The following PHKA1 variants were observed in gnomAD, a reference collection of about 807,000 sequenced individuals.
PHKA1 encodes the protein phosphorylase b kinase regulatory subunit alpha, skeletal muscle isoform.
In PHKA1, 60 loss-of-function variants were observed where a neutral mutation model predicts 110.2. The ratio of observed to expected loss-of-function variants is 0.54; its 90% CI spans 0.44 to 0.68. The LOEUF (loss-of-function observed/expected upper bound fraction) is 0.68. Among genes scored for constraint, PHKA1 ranks in the 30% least tolerant of loss-of-function variants. The pLI is 0.00. For synonymous variants in PHKA1, 316 were observed against 333.6 expected (o/e 0.95, Z 0.58); for missense variants, 801 against 942.5 (o/e 0.85, Z 1.97).
rs369247662 is a variant in PHKA1, at chrX:72,701,674, G to A, written c.285+3524C>T. ...GTGGAGATTGCAGTGAGCTGAGATC[G>A]TGCCACTGCACTCTAGCCTGGGTGA... On this transcript the variant is annotated intron_variant, in intron 3 of 31. Coordinates refer to ENST00000373542, the MANE Select transcript of PHKA1 (RefSeq NM_002637.4). Among the ~76,000 whole-genome samples, 55 of 111,771 alleles carry A rather than the reference G, an allele frequency of 4.9e-4. No homozygotes were observed. In the East Asian group the frequency reaches 9.4e-3, roughly 19 times the overall value.
chrX:72,605,288 T>C lies in PHKA1; in HGVS notation c.2798A>G (p.His933Arg), dbSNP rs782807740. ...IIQVMATELA[H>R]SLRCSAEEAT... ...TTAAGTACCTGAGCATCGAAGGGAG[T>C]GGGCCAGTTCTGTTGCCATAACTTG... is the stretch of plus-strand genomic sequence containing the variant. Residue 933 changes from histidine (H) to arginine (R), a missense_variant, in exon 25 of 32, where the codon CAC (histidine) becomes CGC (arginine). Transcript: ENST00000373542. 1.7e-6 allele frequency: 2 copies of C among 1,203,448 alleles called. No individual in the cohort carries two copies. Among genetic ancestry groups the C allele is most frequent in the Non-Finnish European group, 2.3e-6 (2 of 888,549 alleles).
chrX:72,644,495 G>C lies in PHKA1; in HGVS notation c.1326C>G (p.Val442=), dbSNP rs368205250. 5 of 1,204,305 alleles carry C rather than the reference G, an allele frequency of 4.2e-6. No individual in the cohort carries two copies. In the African/African-American group the frequency reaches 7.0e-5, roughly 17 times the overall value. Residue 442 remains valine (V), a splice_region_variant and synonymous_variant, in exon 14 of 32, where the codon GTC becomes GTG. Transcript: ENST00000373542. ...TVPKPDVVVQ[V]SILAETEEIK... is the part of the protein sequence containing the mutation. ...TTTCTTCTGTTTCAGCTAGAATGGA[G>C]ACTAGAGGAGACAAAGAAGATGAGG...
chrX:72,696,005 T>C (rs2054104790), intron 3 of PHKA1, 129 bp from the exon 4 acceptor site: 1 of 577,873 alleles, frequency 1.7e-6, no homozygotes, highest in African/African-American at 2.2e-5. Context: ...TGTGAATATT[T>C]AAAATACTCG....
At chrX:72,676,219 G>A in intron 5 of PHKA1, 69 bp from the exon 6 acceptor site, 3 of 776,361 alleles carry the variant, frequency 3.9e-6, no homozygotes, top group Non-Finnish European at 3.9e-6. Context: ...TGCAGGAAGT[G>A]TTTACCCTTG....
chrX:72,652,099 A>G (rs1433554708), intron 12 of PHKA1, among the ~76,000 whole-genome samples: 1 of 112,203 alleles, frequency 8.9e-6, no homozygotes, highest in Non-Finnish European at 1.9e-5. Context: ...GCAAAGAAAA[A>G]AAAAGTCATG....
At chrX:72,713,485 T>G (rs1324736046) in intron 1 of PHKA1, among the ~76,000 whole-genome samples, 1 of 111,399 alleles carries the variant, frequency 9.0e-6, no homozygotes, top group Non-Finnish European at 1.9e-5. Flanking sequence ...TTAAAGGTAT[T>G]ATTAAGTGCA....
chrX:72,631,519 G>A (rs1235642733), intron 16 of PHKA1, among the ~76,000 whole-genome samples: 12 of 111,159 alleles, frequency 1.1e-4, no homozygotes, highest in African/African-American at 3.6e-4. Context: ...GGGTCTAAAA[G>A]TTTTCTGTCT....
chrX:72,676,224 C>A, intron 5 of PHKA1, 74 bp from the exon 6 acceptor site: 1 of 758,494 alleles, frequency 1.3e-6, no homozygotes, highest in Admixed American at 2.3e-5. Context: ...GAAGTGTTTA[C>A]CCTTGAATAA....
intron 23 of PHKA1, among the ~76,000 whole-genome samples, chrX:72,607,435 C>T (rs1218571570): frequency 8.9e-6 from 1 of 111,871 alleles, no homozygotes; most frequent in Non-Finnish European, 1.9e-5. Flanking sequence ...TGAGATGATA[C>T]TTCACTGTAG....
At chrX:72,584,446 T>G in intron 29 of PHKA1, 144 bp from the exon 30 acceptor site, 1 of 581,914 alleles carries the variant, frequency 1.7e-6, no homozygotes, top group Non-Finnish European at 2.9e-6. Flanking sequence ...CAAGGGGCTC[T>G]GCAGTCCAAG....
At chrX:72,627,354 T>C (rs1212403554) in intron 16 of PHKA1, among the ~76,000 whole-genome samples, 1 of 112,407 alleles carries the variant, frequency 8.9e-6, no homozygotes, top group Non-Finnish European at 1.9e-5. Context: ...TGAATGCTGA[T>C]AATACCAGTA....
chrX:72,683,206 G>A (rs2053930746), intron 5 of PHKA1, among the ~76,000 whole-genome samples: 1 of 112,178 alleles, frequency 8.9e-6, no homozygotes, highest in Non-Finnish European at 1.9e-5. Context: ...GAGAGGCCTA[G>A]GAGGGTGAAT....
At chrX:72,584,689 A>G (rs1280868718) in intron 29 of PHKA1, among the ~76,000 whole-genome samples, 1 of 110,709 alleles carries the variant, frequency 9.0e-6, no homozygotes, top group Non-Finnish European at 1.9e-5. Context: ...AACTCAAGAC[A>G]TGCATTTATT....
chrX:72,622,899 C>T, intron 18 of PHKA1: 2 of 753,211 alleles, frequency 2.7e-6, no homozygotes, highest in Non-Finnish European at 3.1e-6. Context: ...AAGGGACTGT[C>T]CAACTCCATA....
Position 72,712,771 on chromosome X carries a change from T to C in PHKA1, c.237+8A>G, listed in dbSNP as rs1556335244. 1.7e-6 allele frequency: 2 copies of C among 1,207,926 alleles called. No homozygotes were observed. The highest frequency in any genetic ancestry group is 5.9e-5 in the East Asian group (2 of 33,847). On this transcript the variant is annotated splice_region_variant and intron_variant, in intron 2 of 31. Transcript: ENST00000373542. ...CTCCAGATCTCTTTGTATTTTTATT[T>C]TGAGTACCTGCTCCAATTCATAGGC...
Position 72,584,248 on chromosome X carries a change from C to A in PHKA1, c.3297+1G>T. The stretch of plus-strand genomic sequence containing the variant: ...TAAATGTGCAAGAAAGAGACTCTTA[C>A]CTCTCTAGTGGTAGAGGAAGGAAGG... On this transcript the variant is annotated splice_donor_variant, in intron 30 of 31. Coordinates refer to ENST00000373542, the MANE Select transcript of PHKA1 (RefSeq NM_002637.4). LOFTEE classifies it high-confidence loss of function. 8.3e-7 allele frequency: 1 copy of A among 1,198,416 alleles called. No individual in the cohort carries two copies. The highest frequency in any genetic ancestry group is 1.1e-6 in the Non-Finnish European group (1 of 883,451).
At chrX:72,639,514 T>G (rs868983996) in intron 14 of PHKA1, among the ~76,000 whole-genome samples, 47 of 111,248 alleles carry the variant, frequency 4.2e-4, no homozygotes, top group African/African-American at 1.5e-3. Context: ...CCAGCCAGCC[T>G]GGGCAACAAG....
intron 5 of PHKA1, among the ~76,000 whole-genome samples, chrX:72,679,450 G>A (rs2147797807): frequency 9.1e-6 from 1 of 109,435 alleles, no homozygotes; most frequent in Non-Finnish European, 1.9e-5. Flanking sequence ...CAAGAAGCAG[G>A]AAAATATAGC....
intron 14 of PHKA1, among the ~76,000 whole-genome samples, chrX:72,641,675 C>T (rs782179155): frequency 9.0e-5 from 10 of 111,696 alleles, no homozygotes; most frequent in East Asian, 2.8e-4. Flanking sequence ...AAGAGAACTC[C>T]GTTTAGTTAA....
Sources: allele counts gnomAD v4.1 joint callset (sites outside exome capture counted in the v4.1 genomes callset), GRCh38; gene constraint gnomAD v4.1.1; transcripts MANE v1.5; gene names NCBI Gene and HGNC (gene_info 2026-07-23, HGNC 2026-07-21).